Variants in TRABD2B observed in about 807,000 individuals in gnomAD.
The protein encoded by TRABD2B is metalloprotease TIKI2.
In TRABD2B, 14 loss-of-function variants were observed where a neutral mutation model predicts 40.1. That is an observed-to-expected ratio of 0.35 (90% confidence interval 0.23 to 0.55). The LOEUF (loss-of-function observed/expected upper bound fraction) is 0.55, where lower values mean the gene tolerates loss of function less well. Among genes scored for constraint, TRABD2B ranks in the 20% least tolerant of loss-of-function variants. TRABD2B has a pLI of 0.90. For synonymous variants in TRABD2B, 263 were observed against 277.0 expected (o/e 0.95, Z 0.50); for missense variants, 541 against 648.6 (o/e 0.83, Z 1.80).
In TRABD2B at chr1:47,778,528, G is replaced by C. The variant is rs1644478299; in HGVS notation, c.1005C>G (p.Asn335Lys). The C allele has an allele frequency of 1.3e-6, 2 of 1,536,108 alleles. No individual in the cohort carries two copies. The highest frequency in any genetic ancestry group is 1.7e-6 in the Non-Finnish European group (2 of 1,146,864). The change falls in exon 5 of 7, where the codon AAC (asparagine) becomes AAG (lysine). Residue 335 changes from asparagine to lysine, a missense_variant. Coordinates refer to ENST00000606738, the MANE Select transcript of TRABD2B (RefSeq NM_001194986.2). ...GCCGCAGGATGTCGATGACTGTGTT[G>C]TTCCCCAGAAAGTGACCTGGAACAC... ...FAFGAGHFLG[N>K]NTVIDILRQA... is the part of the protein sequence containing the mutation.
intron 2 of TRABD2B, among the ~76,000 whole-genome samples, chr1:47,886,651 C>A (rs898919376): frequency 6.6e-6 from 1 of 152,110 alleles, no homozygotes; most frequent in Non-Finnish European, 1.5e-5. Flanking sequence ...TTTGTTCATT[C>A]GTTCATTCAT....
chr1:47,930,116 A>T (rs1645020396), intron 2 of TRABD2B, among the ~76,000 whole-genome samples: 1 of 152,148 alleles, frequency 6.6e-6, no homozygotes, highest in Non-Finnish European at 1.5e-5. Flanking sequence ...GCTGTGGGGA[A>T]CAGCACACCC....
intron 2 of TRABD2B, among the ~76,000 whole-genome samples, chr1:47,958,472 G>A (rs1645458487): frequency 7.3e-6 from 1 of 137,504 alleles, no homozygotes; most frequent in Non-Finnish European, 1.6e-5. Flanking sequence ...CCCATCTCAT[G>A]TGCAGAGACA....
chr1:47,967,205 C>T (rs1032214595), intron 2 of TRABD2B, among the ~76,000 whole-genome samples: 9 of 152,080 alleles, frequency 5.9e-5, no homozygotes, highest in Non-Finnish European at 8.8e-5. Flanking sequence ...CTCCTGGAAG[C>T]TTTTATTCAC....
rs1241706058 is a variant in TRABD2B, at chr1:47,764,382, T to C, written c.*1520A>G. On this transcript the variant is annotated 3_prime_UTR_variant, in exon 7 of 7. Transcript: ENST00000606738. ...TTACTGAGGCACCTGCCCCATAGGGTTTCAGGCCTCCCAGGTGGGAGTTAG... is the reference window on the plus strand; with the variant it reads ...TTACTGAGGCACCTGCCCCATAGGGCTTCAGGCCTCCCAGGTGGGAGTTAG... 3 of 152,152 alleles carry C rather than the reference T, an allele frequency of 2.0e-5. No homozygotes were observed. The highest frequency in any genetic ancestry group is 2.0e-4 in the Admixed American group (3 of 15,282). 9.4% of individuals were successfully genotyped at this position (152,152 alleles called of 1,614,324 possible). A position where few individuals can be genotyped will look rare whatever the true frequency, so the allele number is the denominator to read the frequency against.
chr1:47,888,086 G>A (rs887578333), intron 2 of TRABD2B, among the ~76,000 whole-genome samples: 3 of 152,164 alleles, frequency 2.0e-5, no homozygotes, highest in East Asian at 1.9e-4. Flanking sequence ...TGCATGGTTC[G>A]TGATGAATTG....
chr1:47,906,592 G>T (rs752103404), intron 2 of TRABD2B, among the ~76,000 whole-genome samples: 1 of 152,176 alleles, frequency 6.6e-6, no homozygotes, highest in Non-Finnish European at 1.5e-5. Context: ...CATGGGATGA[G>T]ACTGATTCCC....
chr1:47,786,670 G>T (rs1305882714), intron 4 of TRABD2B, among the ~76,000 whole-genome samples: 1 of 152,226 alleles, frequency 6.6e-6, no homozygotes. Flanking sequence ...GCGCTTGCCA[G>T]TGAGAGAGGA....
chr1:47,796,573 A>G (rs986763570), intron 3 of TRABD2B, among the ~76,000 whole-genome samples: 6 of 152,234 alleles, frequency 3.9e-5, no homozygotes, highest in Non-Finnish European at 8.8e-5. Flanking sequence ...CTGCTGGCCA[A>G]GGCCTAGTGT....
intron 5 of TRABD2B, among the ~76,000 whole-genome samples, chr1:47,776,745 T>G (rs1200262986): frequency 6.6e-6 from 1 of 152,106 alleles, no homozygotes; most frequent in Non-Finnish European, 1.5e-5. Context: ...CAGGCCGTCT[T>G]CCCAGCCCAC....
chr1:47,910,642 T>C (rs760845111), intron 2 of TRABD2B, among the ~76,000 whole-genome samples: 1 of 152,110 alleles, frequency 6.6e-6, no homozygotes, highest in Non-Finnish European at 1.5e-5. Flanking sequence ...CCCTAGAGTG[T>C]AGTAGTTAGA....
intron 2 of TRABD2B, among the ~76,000 whole-genome samples, chr1:47,833,376 T>C (rs907932526): frequency 4.6e-5 from 7 of 152,238 alleles, no homozygotes; most frequent in Non-Finnish European, 1.0e-4. Context: ...GGTGCAGCCT[T>C]GAAAAGAGGT....
chr1:47,832,916 T>G (rs1240949784), intron 2 of TRABD2B, among the ~76,000 whole-genome samples: 1 of 152,100 alleles, frequency 6.6e-6, no homozygotes, highest in Non-Finnish European at 1.5e-5. Flanking sequence ...CCTGAAAAAG[T>G]GACCCTCCAC....
chr1:47,958,160 G>A (rs370370605), intron 2 of TRABD2B, among the ~76,000 whole-genome samples: 51 of 149,732 alleles, frequency 3.4e-4, no homozygotes, highest in East Asian at 3.2e-3. Flanking sequence ...AGCAAATGCT[G>A]AGAGATTTTG....
intron 2 of TRABD2B, among the ~76,000 whole-genome samples, chr1:47,817,696 C>T (rs556953454): frequency 6.6e-6 from 1 of 152,324 alleles, no homozygotes; most frequent in East Asian, 1.9e-4. Context: ...ATATCTGCTC[C>T]TCTAGGGATG....
At chr1:47,882,336 C>G (rs1006913774) in intron 2 of TRABD2B, among the ~76,000 whole-genome samples, 12 of 152,202 alleles carry the variant, frequency 7.9e-5, no homozygotes, top group African/African-American at 2.9e-4. Flanking sequence ...TGCATCACCC[C>G]CAGGATCTGC....
chr1:47,860,956 C>T (rs573910059), intron 2 of TRABD2B, among the ~76,000 whole-genome samples: 1 of 152,250 alleles, frequency 6.6e-6, no homozygotes, highest in East Asian at 1.9e-4. Context: ...TATAAATGAC[C>T]TAGTCTCAAA....
At chr1:47,842,082 T>A (rs1310416054) in intron 2 of TRABD2B, among the ~76,000 whole-genome samples, 1 of 152,204 alleles carries the variant, frequency 6.6e-6, no homozygotes, top group Non-Finnish European at 1.5e-5. Context: ...GAAACCAACC[T>A]TCTCCTTTGC....
chr1:47,762,186 C>T lies in TRABD2B; in HGVS notation c.*3716G>A, dbSNP rs1208549385. The T allele has an allele frequency of 6.6e-6, 1 of 152,216 alleles. No individual in the cohort carries two copies. The highest frequency in any genetic ancestry group is 2.4e-5 in the African/African-American group (1 of 41,428). The allele number at this position is 152,216 out of a possible 1,614,324, so 9.4% of individuals were successfully genotyped here. Reference sequence around the variant, plus strand: ...GAGCAGCATGTGTGAAACATCCTGTCTATTCTAGAGATGACTGCACATCAC... The same window carrying T: ...GAGCAGCATGTGTGAAACATCCTGTTTATTCTAGAGATGACTGCACATCAC... On this transcript the variant is annotated 3_prime_UTR_variant, in exon 7 of 7. Coordinates refer to ENST00000606738, the MANE Select transcript of TRABD2B (RefSeq NM_001194986.2).
Sources: gnomAD v4.1 joint callset for allele counts (sites outside exome capture counted in the v4.1 genomes callset) on GRCh38, gnomAD v4.1.1 for gene constraint, MANE v1.5 for transcripts, NCBI Gene and HGNC (gene_info 2026-07-23, HGNC 2026-07-21) for gene names.